Variants in PBX1 observed in about 807,000 individuals in gnomAD.
The protein encoded by PBX1 is PBX homeobox 1.
Under a neutral mutation model 53.4 loss-of-function variants are expected in PBX1, and 6 were observed. That is an observed-to-expected ratio of 0.11 (90% CI 0.06 to 0.22). PBX1 has a LOEUF of 0.22. Among genes scored for constraint, PBX1 ranks in the 10% least tolerant of loss-of-function variants. The pLI is 1.00. For synonymous variants in PBX1, 204 were observed against 212.3 expected (o/e 0.96, Z 0.34); for missense variants, 251 against 551.4 (o/e 0.46, Z 5.46).
chr1:164,855,449 C>A (rs907856770), downstream of PBX1, among the ~76,000 whole-genome samples: 1 of 149,608 alleles, frequency 6.7e-6, no homozygotes, highest in Non-Finnish European at 1.5e-5. Context: ...TTAAATTAAT[C>A]CAACCTTGAA....
At chr1:164,793,225 C>T (rs1409856053) in intron 3 of PBX1, among the ~76,000 whole-genome samples, 1 of 152,068 alleles carries the variant, frequency 6.6e-6, no homozygotes, top group East Asian at 1.9e-4. Context: ...AAAACTTGGC[C>T]CTAGAGTCCC....
chr1:164,725,661 A>C (rs1664661456), intron 2 of PBX1, among the ~76,000 whole-genome samples: 1 of 152,120 alleles, frequency 6.6e-6, no homozygotes, highest in Non-Finnish European at 1.5e-5. Context: ...TAACATTCTC[A>C]GACTAATTCA....
At chr1:164,786,299 C>T (rs1433810846) in intron 2 of PBX1, among the ~76,000 whole-genome samples, 1 of 152,160 alleles carries the variant, frequency 6.6e-6, no homozygotes, top group Non-Finnish European at 1.5e-5. Context: ...GTCTTGCTGG[C>T]AAGATGGTAG....
intron 2 of PBX1, among the ~76,000 whole-genome samples, chr1:164,588,792 C>G (rs1373618166): frequency 6.6e-6 from 1 of 152,098 alleles, no homozygotes; most frequent in Non-Finnish European, 1.5e-5. Flanking sequence ...CGCGTTGCCC[C>G]GGCCTTCTGT....
chr1:164,849,043 T>G lies in PBX1; in HGVS notation c.*2367T>G, dbSNP rs1243510825. 1 of 1,260,640 alleles carries G rather than the reference T, an allele frequency of 7.9e-7. No individual in the cohort carries two copies. Among genetic ancestry groups the G allele is most frequent in the Non-Finnish European group, 1.0e-6 (1 of 995,910 alleles). 78.1% of individuals were successfully genotyped at this position (1,260,640 alleles called of 1,614,324 possible). The stretch of plus-strand genomic sequence containing the variant: ...ACAACTTCATAGTGATTAGAATCAG[T>G]GGAGAACTCCATCTTAGTGGCAGGA... On this transcript the variant is annotated 3_prime_UTR_variant, in exon 9 of 9. Transcript: ENST00000420696.
intron 3 of PBX1, among the ~76,000 whole-genome samples, chr1:164,793,680 G>A (rs1668633946): frequency 6.6e-6 from 1 of 152,054 alleles, no homozygotes; most frequent in African/African-American, 2.4e-5. Flanking sequence ...TTTATCAGGA[G>A]TCCTTTAACA....
At chr1:164,807,187 G>C (rs963797333) in intron 4 of PBX1, among the ~76,000 whole-genome samples, 1 of 152,160 alleles carries the variant, frequency 6.6e-6, no homozygotes, top group Non-Finnish European at 1.5e-5. Context: ...AACCCAGGAG[G>C]TGGAGGTTCC....
Position 164,749,767 on chromosome 1 carries a change from G to A in PBX1, c.266-42727G>A, listed in dbSNP as rs191607224. On this transcript the variant is annotated intron_variant, in intron 2 of 8. Coordinates refer to ENST00000420696, the MANE Select transcript of PBX1 (RefSeq NM_002585.4). The stretch of plus-strand genomic sequence containing the variant: ...GCACTGTGCATGGCTTAGGAGAACC[G>A]TGGACCAAGCAGGCCCGTATAGATG... 2.6e-4 allele frequency among the ~76,000 whole-genome samples: 40 copies of A among 152,240 alleles called. No homozygotes were observed. In the East Asian group the frequency reaches 6.8e-3, roughly 26 times the overall value.
intron 2 of PBX1, chr1:164,769,060 G>GAAA (rs57947708): frequency 1.7e-5 from 2 of 119,988 alleles, no homozygotes; most frequent in East Asian, 2.4e-4. Flanking sequence ...GTCTCAAAAA[G>GAAA]AAAAAAAAAA....
intron 4 of PBX1, among the ~76,000 whole-genome samples, chr1:164,805,860 C>T (rs1423182972): frequency 6.6e-6 from 1 of 152,124 alleles, no homozygotes; most frequent in Non-Finnish European, 1.5e-5. Flanking sequence ...GTGACTTGGG[C>T]TTGGCATAAT....
chr1:164,736,264 G>A (rs1319788318), intron 2 of PBX1, among the ~76,000 whole-genome samples: 1 of 152,082 alleles, frequency 6.6e-6, no homozygotes. Flanking sequence ...AGCTGCGGGG[G>A]AGGCATTGGA....
rs571493912 is a variant in PBX1, at chr1:164,744,958, T to C, written c.266-47536T>C. Among the ~76,000 whole-genome samples, 3 of 152,260 alleles carry C rather than the reference T, an allele frequency of 2.0e-5. No individual in the cohort carries two copies. The East Asian group carries it at 5.8e-4, about 29-fold the overall frequency. On this transcript the variant is annotated intron_variant, in intron 2 of 8. Coordinates refer to ENST00000420696, the MANE Select transcript of PBX1 (RefSeq NM_002585.4). ...CCGTCACCTGCCAGACTCTAAGCCATGTAATACACCAAACTTACAAGGTAA... is the reference window on the plus strand; with the variant it reads ...CCGTCACCTGCCAGACTCTAAGCCACGTAATACACCAAACTTACAAGGTAA...
intron 2 of PBX1, among the ~76,000 whole-genome samples, chr1:164,729,129 A>G (rs1413820639): frequency 1.3e-5 from 2 of 152,248 alleles, no homozygotes; most frequent in African/African-American, 4.8e-5. Context: ...GGCAGCATCC[A>G]GGAATACTTG....
intron 2 of PBX1, among the ~76,000 whole-genome samples, chr1:164,576,153 C>G (rs1384101874): frequency 6.6e-6 from 1 of 152,178 alleles, no homozygotes; most frequent in Non-Finnish European, 1.5e-5. Flanking sequence ...TGGAGAAGCC[C>G]GGTGGCGAGC....
Position 164,608,525 on chromosome 1 carries a change from C to T in PBX1, c.265+45214C>T, listed in dbSNP as rs1457227635. Among the ~76,000 whole-genome samples the T allele has an allele frequency of 2.0e-5, 3 of 152,216 alleles. No individual in the cohort carries two copies. The East Asian group carries it at 5.8e-4, about 29-fold the overall frequency. The stretch of plus-strand genomic sequence containing the variant: ...AACTTATTAGTGTGCACTTGCATCT[C>T]ACTTGATCTTTGCATTAATCCAGCA... On this transcript the variant is annotated intron_variant, in intron 2 of 8. Coordinates refer to ENST00000420696, the MANE Select transcript of PBX1 (RefSeq NM_002585.4).
intron 8 of PBX1, among the ~76,000 whole-genome samples, chr1:164,827,524 G>C (rs1670530457): frequency 6.6e-6 from 1 of 152,190 alleles, no homozygotes; most frequent in African/African-American, 2.4e-5. Flanking sequence ...AGAGTAGATA[G>C]ATGGAAGCTA....
intron 3 of PBX1, among the ~76,000 whole-genome samples, chr1:164,798,618 C>T (rs952304661): frequency 2.6e-5 from 4 of 152,220 alleles, no homozygotes; most frequent in African/African-American, 4.8e-5. Context: ...GGAAATGTCC[C>T]TTCAGCTCTC....
chr1:164,591,104 C>T (rs1196538551), intron 2 of PBX1, among the ~76,000 whole-genome samples: 1 of 151,560 alleles, frequency 6.6e-6, no homozygotes, highest in East Asian at 1.9e-4. Context: ...CTCTGCCTCC[C>T]AGGTTCAAGC....
At chr1:164,836,014 A>G (rs555811968) in intron 8 of PBX1, among the ~76,000 whole-genome samples, 1 of 152,172 alleles carries the variant, frequency 6.6e-6, no homozygotes, top group Non-Finnish European at 1.5e-5. Flanking sequence ...GATCTGCCCT[A>G]GGCCTAGTAT....
Sources: gnomAD v4.1 joint callset for allele counts (sites outside exome capture counted in the v4.1 genomes callset) on GRCh38, gnomAD v4.1.1 for gene constraint, MANE v1.5 for transcripts, NCBI Gene and HGNC (gene_info 2026-07-23, HGNC 2026-07-21) for gene names.